Variants in CPSF6 observed in about 807,000 individuals in gnomAD.
CPSF6 encodes the protein cleavage and polyadenylation specific factor 6.
CPSF6 carries 10 observed loss-of-function variants against 56.7 expected under a neutral mutation model. That is an observed-to-expected ratio of 0.18 (90% CI 0.11 to 0.30). The LOEUF is 0.30. Among genes scored for constraint, CPSF6 ranks in the 10% least tolerant of loss-of-function variants. The pLI, the probability that CPSF6 is intolerant of heterozygous loss-of-function variation, is 1.00. For missense variants in CPSF6, 419 were observed against 722.9 expected (o/e 0.58, Z 4.82); for synonymous variants, 248 against 244.8 (o/e 1.01, Z -0.12).
intron 3 of CPSF6, among the ~76,000 whole-genome samples, chr12:69,256,342 T>C (rs1033703213): frequency 3.3e-5 from 5 of 152,382 alleles, no homozygotes; most frequent in South Asian, 4.1e-4. Context: ...CACTGAATTA[T>C]ATATTTTGAA....
chr12:69,266,069 A>G lies in CPSF6; in HGVS notation c.*4-3443A>G, dbSNP rs578105697. Among the ~76,000 whole-genome samples, 11 of 150,710 alleles carry G rather than the reference A, an allele frequency of 7.3e-5. No individual in the cohort carries two copies. In the East Asian group the frequency reaches 1.7e-3, roughly 24 times the overall value. On this transcript the variant is annotated intron_variant, in intron 9 of 9. Coordinates refer to ENST00000435070, the MANE Select transcript of CPSF6 (RefSeq NM_007007.3). The stretch of plus-strand genomic sequence containing the variant: ...CCAAAAGAATAAAAAAAATTCTTAC[A>G]TGTTAAAGATGTTTCATTTTCTTCT...
chr12:69,240,224 T>G (rs980055495), intron 1 of CPSF6, among the ~76,000 whole-genome samples: 1 of 152,128 alleles, frequency 6.6e-6, no homozygotes, highest in African/African-American at 2.4e-5. Flanking sequence ...CACTGTCGCC[T>G]CATGGAAGGC....
rs1322256881 is a variant in CPSF6 at position 69,274,220 on chromosome 12, GTTTAC to G, written c.*4716_*4720del. ...TTGTAATTGCAATTTTGTGTTTAAT[GTTTAC>G]TTTGTCTTTCCTTTCTTTAGCATTT... is the stretch of plus-strand genomic sequence containing the variant. On this transcript the variant is annotated 3_prime_UTR_variant, in exon 10 of 10. Coordinates refer to ENST00000435070, the MANE Select transcript of CPSF6 (RefSeq NM_007007.3). 7.0e-6 allele frequency: 1 copy of G among 142,824 alleles called. No individual in the cohort carries two copies. Among genetic ancestry groups the G allele is most frequent in the East Asian group, 2.1e-4 (1 of 4,800 alleles). 8.8% of individuals were successfully genotyped at this position (142,824 alleles called of 1,614,324 possible).
chr12:69,245,972 A>G (rs1871882963), intron 1 of CPSF6, among the ~76,000 whole-genome samples: 1 of 152,214 alleles, frequency 6.6e-6, no homozygotes, highest in African/African-American at 2.4e-5. Flanking sequence ...CTGTAATTCC[A>G]GCTACTTCAG....
chr12:69,252,382 T>G (rs928653500), intron 2 of CPSF6, among the ~76,000 whole-genome samples: 1 of 152,238 alleles, frequency 6.6e-6, no homozygotes, highest in African/African-American at 2.4e-5. Flanking sequence ...TTTACATTTC[T>G]TTTAAAACTA....
At chr12:69,250,265 A>G (rs1752432702) in intron 1 of CPSF6, among the ~76,000 whole-genome samples, 1 of 152,152 alleles carries the variant, frequency 6.6e-6, no homozygotes, top group Non-Finnish European at 1.5e-5. Flanking sequence ...TATTAAAGAT[A>G]TAATGGCTTT....
At chr12:69,251,967 TA>T in intron 2 of CPSF6, 1 of 453,606 alleles carries the variant, frequency 2.2e-6, no homozygotes, top group Non-Finnish European at 4.4e-6. Flanking sequence ...TCTACTTAGT[TA>T]TATGTATACT....
intron 1 of CPSF6, among the ~76,000 whole-genome samples, chr12:69,240,657 C>T (rs1402051968): frequency 2.6e-5 from 4 of 152,116 alleles, no homozygotes; most frequent in African/African-American, 7.2e-5. Context: ...AGATAAGACC[C>T]TATTTTCGAA....
At chr12:69,252,918 A>G (rs1872320346) in intron 2 of CPSF6, 133 bp from the exon 3 acceptor site, 3 of 538,076 alleles carry the variant, frequency 5.6e-6, no homozygotes, top group Non-Finnish European at 9.9e-6. Flanking sequence ...CTGACTGGCC[A>G]TAACTAGACT....
At chr12:69,257,620 A>T in intron 4 of CPSF6, 112 bp from the exon 5 acceptor site, 1 of 970,952 alleles carries the variant, frequency 1.0e-6, no homozygotes, top group East Asian at 2.6e-5. Flanking sequence ...GCATAGGCAC[A>T]AGGCATTTGC....
chr12:69,254,377 T>C (rs1430162748), intron 3 of CPSF6, among the ~76,000 whole-genome samples: 1 of 152,224 alleles, frequency 6.6e-6, no homozygotes, highest in East Asian at 1.9e-4. Flanking sequence ...AGCTGTTTTC[T>C]CTTCTTGGTT....
At chr12:69,253,176 T>C (rs777941569) in intron 3 of CPSF6, 22 bp downstream of exon 3, 1 of 1,299,194 alleles carries the variant, frequency 7.7e-7, no homozygotes, top group Non-Finnish European at 1.1e-6. Flanking sequence ...TTTTCTTTCT[T>C]TTTGATTTAG....
Position 69,258,511 on chromosome 12 carries a change from G to A in CPSF6, c.695-79G>A, listed in dbSNP as rs1215295022. 7.0e-7 allele frequency: 1 copy of A among 1,424,694 alleles called. No individual in the cohort carries two copies. Among genetic ancestry groups the A allele is most frequent in the Non-Finnish European group, 9.4e-7 (1 of 1,061,854 alleles). 88.3% of individuals were successfully genotyped at this position (1,424,694 alleles called of 1,614,324 possible). A position where few individuals can be genotyped will look rare whatever the true frequency, so the allele number is the denominator to read the frequency against. On this transcript the variant is annotated intron_variant, in intron 5 of 9. Coordinates refer to ENST00000435070, the MANE Select transcript of CPSF6 (RefSeq NM_007007.3). This position sits in a 1 kb window ranked among gnomAD's most constrained non-coding sequence, Gnocchi z 4.2. ...TTGGTGTATGCTCTATGCGTTTAAA[G>A]TATAATCTTGGCATATAAAAGTTAA...
rs1491257320 is a variant in CPSF6, at chr12:69,249,152, C to CGGTGGGGGGGGGGGGGGGGG, written c.61-1975_61-1974insTGGGGGGGGGGGGGGGGGGG. ...GCGGGCGCCTGTAGTCCCAGCTACT[C>CGGTGGGGGGGGGGGGGGGGG]GGGGGGGGGGGGGGGGGCTGAGGCA... On this transcript the variant is annotated intron_variant, in intron 1 of 9. Coordinates refer to ENST00000435070, the MANE Select transcript of CPSF6 (RefSeq NM_007007.3). Among the ~76,000 whole-genome samples the CGGTGGGGGGGGGGGGGGGGG allele has an allele frequency of 2.4e-4, 4 of 16,612 alleles. 1 individual carries two copies. The highest frequency in any genetic ancestry group is 1.1e-3 in the African/African-American group (3 of 2,784). 10.9% of individuals were successfully genotyped at this position (16,612 alleles called of 152,430 possible). A position where few individuals can be genotyped will look rare whatever the true frequency, so the allele number is the denominator to read the frequency against.
Position 69,262,368 on chromosome 12 carries a change from A to G in CPSF6, c.1470-5A>G, listed in dbSNP as rs766180816. On this transcript the variant is annotated splice_region_variant and splice_polypyrimidine_tract_variant and intron_variant, in intron 8 of 9. Coordinates refer to ENST00000435070, the MANE Select transcript of CPSF6 (RefSeq NM_007007.3). ...GAGCATTAATCCAGTAATTTCTTTT[A>G]GAAGACGTGAACGATCAAGAGAGAG... is the stretch of plus-strand genomic sequence containing the variant. 24 of 1,569,404 alleles carry G rather than the reference A, an allele frequency of 1.5e-5. No homozygotes were observed. The highest frequency in any genetic ancestry group is 3.6e-5 in the Admixed American group (2 of 55,160).
intron 1 of CPSF6, among the ~76,000 whole-genome samples, chr12:69,242,466 A>AT (rs527691377): frequency 1.3e-5 from 2 of 152,252 alleles, no homozygotes; most frequent in Non-Finnish European, 2.9e-5. Flanking sequence ...TTGGGGATAG[A>AT]TTGAGAATAA....
At chr12:69,259,350 A>C (rs960672722) in intron 6 of CPSF6, 78 bp from the exon 7 acceptor site, 3 of 1,511,816 alleles carry the variant, frequency 2.0e-6, no homozygotes, top group Non-Finnish European at 2.7e-6. Context: ...AGCAGCTAGT[A>C]TGAATTGCTA....
Position 69,239,707 on chromosome 12 carries a change from G to A in CPSF6, c.60+1G>A. 6.3e-7 allele frequency: 1 copy of A among 1,582,034 alleles called. No individual in the cohort carries two copies. The highest frequency in any genetic ancestry group is 8.6e-7 in the Non-Finnish European group (1 of 1,165,136). On this transcript the variant is annotated splice_donor_variant, in intron 1 of 9. Coordinates refer to ENST00000435070, the MANE Select transcript of CPSF6 (RefSeq NM_007007.3). LOFTEE classifies it high-confidence loss of function. Reference sequence around the variant, plus strand: ...GGATGTCGGCGAAGAGTTCAACCAGGTACGTGAGAGCCCAGGTCCCCGCCG... The same window carrying A: ...GGATGTCGGCGAAGAGTTCAACCAGATACGTGAGAGCCCAGGTCCCCGCCG...
At chr12:69,241,595 C>T (rs1411570514) in intron 1 of CPSF6, among the ~76,000 whole-genome samples, 1 of 152,160 alleles carries the variant, frequency 6.6e-6, no homozygotes, top group African/African-American at 2.4e-5. Context: ...AGAGGGACAT[C>T]TCCCTTATCC....
Sources: gnomAD v4.1 joint callset for allele counts (sites outside exome capture counted in the v4.1 genomes callset) on GRCh38, gnomAD v4.1.1 for gene constraint, Gnocchi (gnomAD v3.1) non-coding constraint, MANE v1.5 for transcripts, NCBI Gene and HGNC (gene_info 2026-07-23, HGNC 2026-07-21) for gene names.